Variants in RBM33 observed in about 807,000 individuals in gnomAD.
The protein encoded by RBM33 is RNA binding motif protein 33.
A neutral mutation model predicts 132.6 loss-of-function variants in RBM33; 28 were observed. The ratio of observed to expected loss-of-function variants is 0.21; its 90% CI spans 0.16 to 0.29. RBM33 has a LOEUF of 0.29. Ranked by LOEUF, RBM33 falls within the 10% of genes least tolerant of loss-of-function variation. RBM33 has a pLI of 1.00. For synonymous variants in RBM33, 634 were observed against 593.0 expected (o/e 1.07, Z -1.01); for missense variants, 1,291 against 1,518.5 (o/e 0.85, Z 2.49).
chr7:155,771,942 T>C (rs1193273548), intron 16 of RBM33, among the ~76,000 whole-genome samples: 1 of 152,102 alleles, frequency 6.6e-6, no homozygotes, highest in Non-Finnish European at 1.5e-5. Flanking sequence ...GGCCCTCACT[T>C]GAGTATAGTA....
At chr7:155,703,088 C>T (rs1800014033) in intron 6 of RBM33, among the ~76,000 whole-genome samples, 1 of 152,126 alleles carries the variant, frequency 6.6e-6, no homozygotes, top group Non-Finnish European at 1.5e-5. Context: ...GTTCATTGTC[C>T]CTCCACCCAA....
At chr7:155,772,085 A>G (rs1447966162) in intron 16 of RBM33, among the ~76,000 whole-genome samples, 1 of 152,236 alleles carries the variant, frequency 6.6e-6, no homozygotes, top group African/African-American at 2.4e-5. Context: ...GAGAAGGTCC[A>G]TTATTGTAGT....
At chr7:155,718,637 G>A (rs1313617900) in intron 9 of RBM33, among the ~76,000 whole-genome samples, 194 bp downstream of exon 9, 1 of 152,168 alleles carries the variant, frequency 6.6e-6, no homozygotes, top group Non-Finnish European at 1.5e-5. Flanking sequence ...AATTAATTTT[G>A]TTTAACTGTA....
intron 16 of RBM33, among the ~76,000 whole-genome samples, chr7:155,770,604 T>C (rs1802394034): frequency 6.6e-6 from 1 of 151,312 alleles, no homozygotes; most frequent in South Asian, 2.1e-4. Context: ...CTTTTTTTTT[T>C]TTTTTTTTTC....
intron 3 of RBM33, 42 bp downstream of exon 3, chr7:155,672,957 T>A: frequency 1.5e-6 from 2 of 1,335,838 alleles, no homozygotes; most frequent in Non-Finnish European, 2.1e-6. Flanking sequence ...ACTAGTCATT[T>A]AATTATACTT....
At chr7:155,682,540 A>G (rs1799365085) in intron 5 of RBM33, among the ~76,000 whole-genome samples, 1 of 152,200 alleles carries the variant, frequency 6.6e-6, no homozygotes, top group South Asian at 2.1e-4. Flanking sequence ...TCTGTTACTC[A>G]TCAGTAAAGT....
chr7:155,653,737 T>C (rs1165614885), intron 1 of RBM33, among the ~76,000 whole-genome samples: 2 of 152,200 alleles, frequency 1.3e-5, no homozygotes, highest in Non-Finnish European at 2.9e-5. Context: ...TGGCTCTTCA[T>C]TTGTATCCTT....
chr7:155,682,676 C>T (rs1799368786), intron 5 of RBM33, among the ~76,000 whole-genome samples: 1 of 152,186 alleles, frequency 6.6e-6, no homozygotes, highest in Non-Finnish European at 1.5e-5. Context: ...ATTGGCCCTG[C>T]CTGTGAACTT....
At chr7:155,694,346 CAT>C (rs1450885554) in intron 5 of RBM33, among the ~76,000 whole-genome samples, 5 of 152,108 alleles carry the variant, frequency 3.3e-5, no homozygotes, top group Non-Finnish European at 7.4e-5. Flanking sequence ...TGTCTTCTAA[CAT>C]AGTTATTTAA....
At position 155,737,628 on chromosome 7, in the gene RBM33, C is replaced by T. The variant is rs1323870125; in HGVS notation, c.1359C>T (p.Pro453=). Residue 453 remains proline, a synonymous_variant, in exon 10 of 18, where the codon CCC becomes CCT. Transcript: ENST00000401878. ...TCCAGGACCAGTGGAGAGCCCCACCCCCGCCTCAGGATCGAGACCCTTTCT... is the reference window on the plus strand; with the variant it reads ...TCCAGGACCAGTGGAGAGCCCCACCTCCGCCTCAGGATCGAGACCCTTTCT... ...LPLQDQWRAP[P]PPQDRDPFFL... is the part of the protein sequence containing the mutation. The T allele has an allele frequency of 6.2e-7, 1 of 1,603,144 alleles. No homozygotes were observed. Among genetic ancestry groups the T allele is most frequent in the South Asian group, 1.1e-5 (1 of 89,262 alleles).
rs548222580 is a variant in RBM33, at chr7:155,721,502, T to G, written c.1260+3059T>G. 3.9e-5 allele frequency among the ~76,000 whole-genome samples: 6 copies of G among 152,306 alleles called. No individual in the cohort carries two copies. In the East Asian group the frequency reaches 1.2e-3, roughly 29 times the overall value. On this transcript the variant is annotated intron_variant, in intron 9 of 17. Coordinates refer to ENST00000401878, the MANE Select transcript of RBM33 (RefSeq NM_053043.3). ...TCACATGCATTTAACTATACAAGAA[T>G]GCAGCTTCATACCCAATTGACTAAA...
At chr7:155,680,033 A>G (rs751546324) in intron 4 of RBM33, among the ~76,000 whole-genome samples, 3 of 152,226 alleles carry the variant, frequency 2.0e-5, no homozygotes, top group African/African-American at 7.2e-5. Context: ...ATTTATTTGA[A>G]CACTGAAATG....
chr7:155,743,451 T>C (rs1801415402), intron 13 of RBM33, among the ~76,000 whole-genome samples: 1 of 152,258 alleles, frequency 6.6e-6, no homozygotes, highest in South Asian at 2.1e-4. Flanking sequence ...GGCGAACTTC[T>C]AAAGGATTCT....
chr7:155,770,482 G>A (rs752982768), intron 16 of RBM33, among the ~76,000 whole-genome samples: 2 of 152,064 alleles, frequency 1.3e-5, no homozygotes, highest in African/African-American at 2.4e-5. Flanking sequence ...TCCCCCACCC[G>A]CTCTAGTGTC....
rs1801502547 is a variant in RBM33 at position 155,745,939 on chromosome 7, T to C, written c.2979+337T>C. 1.3e-5 allele frequency among the ~76,000 whole-genome samples: 2 copies of C among 152,188 alleles called. No homozygotes were observed. Among genetic ancestry groups the C allele is most frequent in the African/African-American group, 4.8e-5 (2 of 41,438 alleles). On this transcript the variant is annotated intron_variant, in intron 14 of 17. Transcript: ENST00000401878. This position sits in a 1 kb window ranked among gnomAD's most constrained non-coding sequence, Gnocchi z 4.1. ...CAGCATGTTACTGTGCTGAATACTATAGGCAGTTGTCACACAATGATGAGT... is the reference window on the plus strand; with the variant it reads ...CAGCATGTTACTGTGCTGAATACTACAGGCAGTTGTCACACAATGATGAGT...
rs1178224541 is a variant in RBM33 at position 155,775,837 on chromosome 7, TG to T, written c.*798del. ...TCCCACCACACATGAGGTGGTGGAA[TG>T]GCCTGAAGGTGGAACAGACCTGTTT... On this transcript the variant is annotated 3_prime_UTR_variant, in exon 18 of 18. Transcript: ENST00000401878. The T allele has an allele frequency of 6.6e-6, 1 of 152,386 alleles. No individual in the cohort carries two copies. The highest frequency in any genetic ancestry group is 1.5e-5 in the Non-Finnish European group (1 of 68,156). 9.4% of individuals were successfully genotyped at this position (152,386 alleles called of 1,614,324 possible).
At chr7:155,748,021 T>C (rs1801573415) in intron 14 of RBM33, among the ~76,000 whole-genome samples, 1 of 152,254 alleles carries the variant, frequency 6.6e-6, no homozygotes, top group Non-Finnish European at 1.5e-5. Context: ...ATATGGGGGC[T>C]GTGGTCTTAA....
In RBM33 at chr7:155,665,246, T is replaced by C. The variant is rs1166561670; in HGVS notation, c.115T>C (p.Trp39Arg). Reference sequence around the variant, plus strand: ...GAGAAGAAGAGCTGCTGATGAGGACTGGGACAGGTACGTGCACCCTGTGCT... The same window carrying C: ...GAGAAGAAGAGCTGCTGATGAGGACCGGGACAGGTACGTGCACCCTGTGCT... ...SWRRRAADED[W>R]DSELEDDLLG... is the part of the protein sequence containing the mutation. Residue 39 changes from tryptophan to arginine, a missense_variant, in exon 2 of 18, where the codon TGG becomes CGG. Trp to Arg is a moderately radical substitution (Grantham distance 101). Around this residue, in one of 7 missense-constraint regions of RBM33, gnomAD observed 194 missense variants for 249.8 expected, o/e 0.78. Coordinates refer to ENST00000401878, the MANE Select transcript of RBM33 (RefSeq NM_053043.3). 6.2e-7 allele frequency: 1 copy of C among 1,613,698 alleles called. No individual in the cohort carries two copies. Among genetic ancestry groups the C allele is most frequent in the Non-Finnish European group, 8.5e-7 (1 of 1,179,648 alleles).
At chr7:155,746,926 A>G (rs1372212101) in intron 14 of RBM33, among the ~76,000 whole-genome samples, 3 of 152,250 alleles carry the variant, frequency 2.0e-5, no homozygotes, top group Admixed American at 6.5e-5. Flanking sequence ...ATGGTAGGAC[A>G]TGTGATCATG....
Sources: allele counts gnomAD v4.1 joint callset (sites outside exome capture counted in the v4.1 genomes callset), GRCh38; gene constraint gnomAD v4.1.1; regional missense constraint gnomAD v4.1.1; non-coding constraint Gnocchi (gnomAD v3.1); transcripts MANE v1.5; gene names NCBI Gene and HGNC (gene_info 2026-07-23, HGNC 2026-07-21).